IPPK: variants seen among roughly 807,000 people sequenced by gnomAD.
IPPK encodes the protein inositol-pentakisphosphate 2-kinase, also known as IPK1 homolog.
A neutral mutation model predicts 64.6 loss-of-function variants in IPPK; 22 were observed. The observed-to-expected ratio is 0.34, with a 90% CI of 0.24 to 0.49. The LOEUF (loss-of-function observed/expected upper bound fraction) is 0.49, where lower values mean the gene tolerates loss of function less well. IPPK is among the 20% of genes least tolerant of loss of function. The pLI is 0.99. For synonymous variants in IPPK, 262 were observed against 247.2 expected, an observed-to-expected ratio of 1.06 and a Z score of -0.56; for missense variants, 532 against 630.7, an observed-to-expected ratio of 0.84 and a Z score of 1.68.
intron 11 of IPPK, among the ~76,000 whole-genome samples, chr9:92,625,764 A>G (rs1472630118): frequency 1.3e-5 from 2 of 152,084 alleles, no homozygotes; most frequent in Non-Finnish European, 2.9e-5. Context: ...ATCTATCTAA[A>G]CCAGAGACTC....
intron 1 of IPPK, among the ~76,000 whole-genome samples, chr9:92,666,546 C>A (rs1444159885): frequency 6.6e-6 from 1 of 152,164 alleles, no homozygotes; most frequent in Non-Finnish European, 1.5e-5. Flanking sequence ...GTGTCTGGAG[C>A]TCCAGACACA....
chr9:92,634,428 A>G lies in IPPK; in HGVS notation c.1128T>C (p.Leu376=), dbSNP rs1296413479. 1 of 1,614,200 alleles carries G rather than the reference A, an allele frequency of 6.2e-7. No individual in the cohort carries two copies. Among genetic ancestry groups the G allele is most frequent in the Non-Finnish European group, 8.5e-7 (1 of 1,180,014 alleles). Residue 376 remains leucine, a synonymous_variant, in exon 11 of 13, where the codon CTT becomes CTC. Transcript: ENST00000287996. Reference sequence around the variant, plus strand: ...CCACTGTCCCGTCATCCTCAGTGGAAAGGTCAAGCAGCTTCTGGTAAAATG... The same window carrying G: ...CCACTGTCCCGTCATCCTCAGTGGAGAGGTCAAGCAGCTTCTGGTAAAATG... The part of the protein sequence containing the change: ...DEAFYQKLLD[L]STEDDGTVAF...
intron 11 of IPPK, among the ~76,000 whole-genome samples, chr9:92,624,601 T>C (rs1179247164): frequency 2.6e-5 from 4 of 152,142 alleles, no homozygotes; most frequent in Non-Finnish European, 4.4e-5. Context: ...GCCAGTGCAC[T>C]CCAGCCTGGA....
At position 92,635,322 on chromosome 9, in the gene IPPK, CAG is replaced by C. The variant is rs757257273; in HGVS notation, c.917-16_917-15del. 21 of 1,604,224 alleles carry C rather than the reference CAG, an allele frequency of 1.3e-5. No homozygotes were observed. The highest frequency in any genetic ancestry group is 3.3e-5 in the South Asian group (3 of 90,738). ...GGGTGTTTTTTCCTACCGAGAACAT[CAG>C]GGGAAAACGAGAGCATGTTGATTAT... is the stretch of plus-strand genomic sequence containing the variant. On this transcript the variant is annotated splice_polypyrimidine_tract_variant and intron_variant, in intron 9 of 12. Transcript: ENST00000287996. This position sits in a 1 kb window ranked among gnomAD's most constrained non-coding sequence, Gnocchi z 4.4.
intron 1 of IPPK, among the ~76,000 whole-genome samples, chr9:92,664,233 C>T (rs1385643010): frequency 1.3e-5 from 2 of 152,226 alleles, no homozygotes; most frequent in African/African-American, 4.8e-5. Context: ...TGGGCTCCAA[C>T]AGGAAGCGCT....
intron 11 of IPPK, among the ~76,000 whole-genome samples, chr9:92,621,587 C>CACTT (rs1296737657): frequency 1.4e-5 from 2 of 146,730 alleles, no homozygotes; most frequent in Non-Finnish European, 3.0e-5. Flanking sequence ...CATCACAGCT[C>CACTT]ACTTACAGCC....
At chr9:92,656,262 C>T (rs1234925415) in intron 3 of IPPK, among the ~76,000 whole-genome samples, 194 bp downstream of exon 3, 1 of 152,200 alleles carries the variant, frequency 6.6e-6, no homozygotes, top group Non-Finnish European at 1.5e-5. Context: ...GCCCTCTGAA[C>T]CCCATGCTTC....
rs1303170847 is a variant in IPPK, at chr9:92,649,594, TCACA to T, written c.293-24_293-21del. ...GAGACTCTGGAAAACAGAGCAAGGG[TCACA>T]CAGAGCAAGGTCAGTGAGAGAGATG... On this transcript the variant is annotated intron_variant, in intron 4 of 12. Transcript: ENST00000287996. 1.2e-6 allele frequency: 2 copies of T among 1,612,814 alleles called. No homozygotes were observed. The highest frequency in any genetic ancestry group is 1.7e-6 in the Non-Finnish European group (2 of 1,179,464).
At chr9:92,623,203 G>A (rs1851673945) in intron 11 of IPPK, among the ~76,000 whole-genome samples, 1 of 152,126 alleles carries the variant, frequency 6.6e-6, no homozygotes, top group Admixed American at 6.5e-5. Context: ...GGGAGGCCGA[G>A]GCAAGCGGAT....
intron 11 of IPPK, among the ~76,000 whole-genome samples, chr9:92,627,584 A>G (rs547857532): frequency 1.3e-5 from 2 of 152,370 alleles, no homozygotes; most frequent in African/African-American, 4.8e-5. Context: ...CCACATTAAC[A>G]GAATAAAGGA....
At chr9:92,633,382 AAT>A (rs1340617117) in intron 11 of IPPK, among the ~76,000 whole-genome samples, 28 of 152,076 alleles carry the variant, frequency 1.8e-4, no homozygotes, top group African/African-American at 6.5e-4. Flanking sequence ...AAAAAAAAAA[AAT>A]GTTTTTTTGA....
chr9:92,620,255 AAGCTATGT>A (rs1851586302), intron 11 of IPPK: 1 of 154,232 alleles, frequency 6.5e-6, no homozygotes, highest in Non-Finnish European at 1.4e-5. Context: ...CACATGCTCC[AAGCTATGT>A]GGGTCTGTCC....
chr9:92,637,540 A>G (rs529050401), intron 9 of IPPK, among the ~76,000 whole-genome samples: 65 of 152,280 alleles, frequency 4.3e-4, no homozygotes, highest in African/African-American at 1.5e-3. Context: ...CGCAGTCCAA[A>G]GGCCCCATGG....
In IPPK at chr9:92,658,629, C is replaced by G. The variant is rs1315243654; in HGVS notation, c.129+5G>C. ...TAAGTCTGGGTGCAAACCCACCCAT[C>G]TTACCTTCTTCCTATTTGGAGGAAA... On this transcript the variant is annotated splice_donor_5th_base_variant and intron_variant, in intron 2 of 12. Transcript: ENST00000287996. 6.2e-7 allele frequency: 1 copy of G among 1,613,260 alleles called. No homozygotes were observed. Among genetic ancestry groups the G allele is most frequent in the Non-Finnish European group, 8.5e-7 (1 of 1,179,172 alleles).
At chr9:92,619,744 G>C in intron 11 of IPPK, 179 bp from the exon 12 acceptor site, 1 of 622,930 alleles carries the variant, frequency 1.6e-6, no homozygotes, top group Admixed American at 2.4e-5. Flanking sequence ...GAGAGCACCT[G>C]GGCCAGCCCT....
At chr9:92,667,413 G>C (rs958211147) in intron 1 of IPPK, among the ~76,000 whole-genome samples, 1 of 152,244 alleles carries the variant, frequency 6.6e-6, no homozygotes, top group South Asian at 2.1e-4. Flanking sequence ...TCTCCTCCTC[G>C]GTCCACAGCC....
chr9:92,618,096 G>C, intron 12 of IPPK: 2 of 375,366 alleles, frequency 5.3e-6, no homozygotes, highest in South Asian at 3.8e-5. Flanking sequence ...ACAGTTACTG[G>C]AACTTCACAG....
chr9:92,655,386 C>T (rs1426793388), intron 3 of IPPK, among the ~76,000 whole-genome samples: 1 of 152,188 alleles, frequency 6.6e-6, no homozygotes, highest in East Asian at 1.9e-4. Flanking sequence ...AGCTCTGCTT[C>T]ACTTTGTCGG....
At chr9:92,645,690 G>C (rs1224840592) in intron 6 of IPPK, among the ~76,000 whole-genome samples, 1 of 152,062 alleles carries the variant, frequency 6.6e-6, no homozygotes, top group Non-Finnish European at 1.5e-5. Flanking sequence ...ATGGAGGCCA[G>C]GAGGAGGCAG....
Sources: allele counts gnomAD v4.1 joint callset (sites outside exome capture counted in the v4.1 genomes callset), GRCh38; gene constraint gnomAD v4.1.1; non-coding constraint Gnocchi (gnomAD v3.1); transcripts MANE v1.5; gene names NCBI Gene and HGNC (gene_info 2026-07-23, HGNC 2026-07-21).